Variants in PSD3 observed in about 807,000 individuals in gnomAD.
PSD3 encodes the protein PH and SEC7 domain-containing protein 3.
In PSD3, 49 loss-of-function variants were observed where a neutral mutation model predicts 105.5. The ratio of observed to expected loss-of-function variants is 0.46; its 90% CI spans 0.37 to 0.59. PSD3 has a LOEUF of 0.59. PSD3 is among the 20% of genes least tolerant of loss of function. The probability of loss-of-function intolerance (pLI) is 0.00; values close to 1 mark genes in which losing one functional copy is unlikely to be tolerated. For missense variants in PSD3, 1,561 were observed against 1,263.8 expected (o/e 1.24, Z -3.57); for synonymous variants, 557 against 457.8 (o/e 1.22, Z -2.77).
chr8:18,803,305 A>AAAAAAAAGGCT (rs1810886734), intron 6 of PSD3: 1 of 162,992 alleles, frequency 6.1e-6, no homozygotes, highest in South Asian at 1.3e-4. Flanking sequence ...AAAAAAAAAA[A>AAAAAAAAGGCT]AAAAGGCTAT....
chr8:18,666,726 G>C (rs547206351), intron 9 of PSD3, among the ~76,000 whole-genome samples: 2 of 147,386 alleles, frequency 1.4e-5, no homozygotes, highest in South Asian at 2.1e-4. Flanking sequence ...CTTTTTTTTG[G>C]GGGGTGGGGG....
intron 11 of PSD3, among the ~76,000 whole-genome samples, chr8:18,615,648 T>C (rs1027385767): frequency 1.3e-4 from 20 of 152,238 alleles, no homozygotes; most frequent in African/African-American, 4.8e-4. Context: ...TCATAATATC[T>C]AGAGCAGTTT....
At chr8:18,913,086 A>AAACAC (rs1820350725) in intron 2 of PSD3, among the ~76,000 whole-genome samples, 5 of 130,464 alleles carry the variant, frequency 3.8e-5, no homozygotes, top group Non-Finnish European at 8.2e-5. Context: ...CACACACACA[A>AAACAC]ACACACACAC....
chr8:18,541,336 T>C (rs1211292493), intron 15 of PSD3, among the ~76,000 whole-genome samples: 1 of 152,046 alleles, frequency 6.6e-6, no homozygotes, highest in Non-Finnish European at 1.5e-5. Flanking sequence ...CATTTTTCCA[T>C]ACACGGTAGA....
At chr8:18,836,612 T>C (rs1814129517) in intron 4 of PSD3, among the ~76,000 whole-genome samples, 1 of 152,210 alleles carries the variant, frequency 6.6e-6, no homozygotes, top group Non-Finnish European at 1.5e-5. Context: ...TCCAGGGTCC[T>C]TTCTGGATAC....
Position 18,871,916 on chromosome 8 carries a change from G to A in PSD3, c.948C>T (p.Thr316=), listed in dbSNP as rs377034597. 8.1e-6 allele frequency: 13 copies of A among 1,613,978 alleles called. No homozygotes were observed. The highest frequency in any genetic ancestry group is 8.0e-5 in the African/African-American group (6 of 74,902). The part of the protein sequence containing the change: ...ILWTGGDKRE[T]QHPIDFETSL... ...ATGTCTCAAAATCTATAGGATGCTGGGTCTCTCTCTTGTCTCCTCCTGTCC... is the reference window on the plus strand; with the variant it reads ...ATGTCTCAAAATCTATAGGATGCTGAGTCTCTCTCTTGTCTCCTCCTGTCC... Residue 316 remains threonine, a synonymous_variant, in exon 3 of 16, where the codon ACC becomes ACT. Transcript: ENST00000327040.
intron 7 of PSD3, among the ~76,000 whole-genome samples, chr8:18,800,586 T>C (rs73595748): frequency 0.036 from 5,558 of 152,294 alleles, 353 homozygotes; most frequent in African/African-American, 0.13. Flanking sequence ...TGTACTTTAT[T>C]GCAGGAACTG....
chr8:18,950,404 T>C (rs1395874296), intron 1 of PSD3, among the ~76,000 whole-genome samples: 1 of 152,198 alleles, frequency 6.6e-6, no homozygotes, highest in East Asian at 1.9e-4. Flanking sequence ...AAATGTATAA[T>C]ACACCATTAT....
At chr8:18,688,487 G>A (rs1800787906) in intron 9 of PSD3, among the ~76,000 whole-genome samples, 1 of 152,160 alleles carries the variant, frequency 6.6e-6, no homozygotes, top group Non-Finnish European at 1.5e-5. Flanking sequence ...TAGCAGCATA[G>A]TATTCGAGCA....
intron 9 of PSD3, among the ~76,000 whole-genome samples, chr8:18,676,247 C>A (rs1800057187): frequency 1.3e-5 from 2 of 152,142 alleles, no homozygotes; most frequent in South Asian, 2.1e-4. Context: ...TCTCAAACAC[C>A]TGCTTCAGTA....
intron 9 of PSD3, chr8:18,684,094 A>C (rs1341607862): frequency 1.0e-5 from 6 of 574,066 alleles, no homozygotes; most frequent in South Asian, 6.7e-5. Context: ...CTCCCCCAGC[A>C]TCTTCAACTA....
At chr8:18,819,812 C>T (rs953435619) in intron 4 of PSD3, among the ~76,000 whole-genome samples, 4 of 152,064 alleles carry the variant, frequency 2.6e-5, no homozygotes, top group African/African-American at 9.7e-5. Flanking sequence ...CTCCTGACCT[C>T]GTGATCTGCC....
intron 2 of PSD3, among the ~76,000 whole-genome samples, chr8:18,919,905 A>C (rs1820888012): frequency 6.6e-6 from 1 of 150,476 alleles, no homozygotes; most frequent in African/African-American, 2.4e-5. Context: ...ATGCTAGATG[A>C]CGAGTTAGTG....
At chr8:18,775,571 T>A (rs1042808155) in intron 8 of PSD3, among the ~76,000 whole-genome samples, 1 of 152,222 alleles carries the variant, frequency 6.6e-6, no homozygotes, top group African/African-American at 2.4e-5. Flanking sequence ...TGGTTTTGAT[T>A]TGCATTTCCC....
chr8:18,544,673 T>G (rs560797991), intron 15 of PSD3, among the ~76,000 whole-genome samples: 1 of 152,314 alleles, frequency 6.6e-6, no homozygotes, highest in South Asian at 2.1e-4. Context: ...AAAAGCTTAC[T>G]TTTTAATATA....
In PSD3 at chr8:18,868,064, C is replaced by T. The variant is rs1282623317; in HGVS notation, c.1244G>A (p.Ser415Asn). The T allele has an allele frequency of 1.3e-6, 2 of 1,598,190 alleles. No individual in the cohort carries two copies. Among genetic ancestry groups the T allele is most frequent in the Non-Finnish European group, 1.7e-6 (2 of 1,172,926 alleles). ...PKPERDRERISEQEEHVKGED... is the reference protein window; with the variant it reads ...PKPERDRERINEQEEHVKGED... ...CCCCTTAACGTGCTCCTCTTGTTCG[C>T]TGATCCTGGAAAGTAAATAAGAGTG... is the stretch of plus-strand genomic sequence containing the variant. The change falls in exon 4 of 16, where the codon AGC becomes AAC. Residue 415 changes from serine to asparagine, a missense_variant. By Grantham distance (46) the Ser-to-Asn change is conservative (BLOSUM62 1). Coordinates refer to ENST00000327040, the MANE Select transcript of PSD3 (RefSeq NM_015310.4).
intron 2 of PSD3, among the ~76,000 whole-genome samples, chr8:18,883,385 A>G (rs1371337377): frequency 1.3e-5 from 2 of 152,206 alleles, no homozygotes; most frequent in Non-Finnish European, 2.9e-5. Context: ...GTTTACCCTC[A>G]AATTACCAAG....
intron 14 of PSD3, among the ~76,000 whole-genome samples, chr8:18,558,820 C>T (rs1221165656): frequency 6.6e-6 from 1 of 151,472 alleles, no homozygotes; most frequent in African/African-American, 2.4e-5. Flanking sequence ...GACTCCATCT[C>T]AAAAAAACAA....
At chr8:18,930,721 A>G (rs549160716) in intron 2 of PSD3, among the ~76,000 whole-genome samples, 23 of 151,986 alleles carry the variant, frequency 1.5e-4, no homozygotes, top group African/African-American at 5.3e-4. Context: ...AGGCATGTGC[A>G]ACCACACCTA....
Sources: gnomAD v4.1 joint callset for allele counts (sites outside exome capture counted in the v4.1 genomes callset) on GRCh38, gnomAD v4.1.1 for gene constraint, MANE v1.5 for transcripts, NCBI Gene and HGNC (gene_info 2026-07-23, HGNC 2026-07-21) for gene names.